IL11RA: variants seen among roughly 807,000 people sequenced by gnomAD.
IL11RA encodes interleukin-11 receptor subunit alpha.
In IL11RA, 51 loss-of-function variants were observed where a neutral mutation model predicts 57.0. The observed-to-expected ratio is 0.89, with a 90% CI of 0.71 to 1.13. The LOEUF is 1.13. Among genes scored for constraint, IL11RA ranks in the 50% most tolerant of loss-of-function variants. IL11RA has a pLI of 0.00. For missense variants in IL11RA, 498 were observed against 539.4 expected (o/e 0.92, Z 0.76); for synonymous variants, 199 against 217.5 (o/e 0.91, Z 0.75).
rs1554709970 is a variant in IL11RA, at chr9:34,655,016, T to TGCGC, written c.1-197_1-194dup. 7.2e-6 allele frequency: 4 copies of TGCGC among 557,804 alleles called. No individual in the cohort carries two copies. The African/African-American group carries it at 7.7e-5, about 11-fold the overall frequency. 34.6% of individuals were successfully genotyped at this position (557,804 alleles called of 1,614,324 possible). ...GTCCGTGTGTGTGTGTGTGTGTGTG[T>TGCGC]GCGCGCGCACGCACATGCAAAGCAC... On this transcript the variant is annotated intron_variant, in intron 1 of 12. Transcript: ENST00000441545.
In IL11RA at chr9:34,660,934, C is replaced by G. The variant is rs1234840131; in HGVS notation, c.1250C>G (p.Pro417Arg). The G allele has an allele frequency of 6.2e-7, 1 of 1,612,152 alleles. No homozygotes were observed. Among genetic ancestry groups the G allele is most frequent in the Non-Finnish European group, 8.5e-7 (1 of 1,178,398 alleles). ...TCAGTGATTCCAGTGGACAGGCGTC[C>G]AGGTGAGTAGGACATCCAGAAGATT... ...LASVIPVDRR[P>R]GAPNL is the part of the protein sequence containing the mutation. Residue 417 changes from proline (P) to arginine (R), a missense_variant and splice_region_variant, in exon 12 of 13, where the codon CCA becomes CGA. By Grantham distance (103) the Pro-to-Arg change is moderately radical. Coordinates refer to ENST00000441545, the MANE Select transcript of IL11RA (RefSeq NM_001142784.3).
intron 11 of IL11RA, 77 bp downstream of exon 11, chr9:34,660,677 C>A: frequency 1.5e-6 from 2 of 1,319,260 alleles, no homozygotes; most frequent in African/African-American, 1.4e-5. Flanking sequence ...TTCATCTCCA[C>A]CCTTCATGAC....
chr9:34,656,421 T>C (rs1237580703), intron 3 of IL11RA, among the ~76,000 whole-genome samples: 1 of 152,194 alleles, frequency 6.6e-6, no homozygotes, highest in Non-Finnish European at 1.5e-5. Context: ...GAGGCAGCCA[T>C]GCACACATTA....
Position 34,659,775 on chromosome 9 carries a change from T to C in IL11RA, c.827T>C (p.Leu276Pro). ...PAWSTVEPAG[L>P]EEVITDAVAG... ...TACCCCCAGGTGGAGCCAGCTGGAC[T>C]GGAGGAGGTGATCACAGATGCTGTG... The change falls in exon 9 of 13, where the codon CTG becomes CCG. Residue 276 changes from leucine to proline, a missense_variant. Physicochemically the swap from Leu to Pro is moderately conservative, Grantham distance 98 (BLOSUM62 -3). Coordinates refer to ENST00000441545, the MANE Select transcript of IL11RA (RefSeq NM_001142784.3). The C allele has an allele frequency of 6.2e-7, 1 of 1,614,180 alleles. No homozygotes were observed. Among genetic ancestry groups the C allele is most frequent in the Admixed American group, 1.7e-5 (1 of 60,026 alleles).
chr9:34,659,023 C>T (rs931399404), intron 8 of IL11RA, among the ~76,000 whole-genome samples: 4 of 152,102 alleles, frequency 2.6e-5, no homozygotes, highest in African/African-American at 9.7e-5. Flanking sequence ...CTCCTGGGTT[C>T]AAGCAATTCT....
Position 34,657,320 on chromosome 9 carries a change from G to C in IL11RA, c.464G>C (p.Gly155Ala). The C allele has an allele frequency of 2.5e-6, 4 of 1,614,138 alleles. No individual in the cohort carries two copies. The highest frequency in any genetic ancestry group is 3.4e-6 in the Non-Finnish European group (4 of 1,180,008). The change falls in exon 6 of 13, where the codon GGA (glycine) becomes GCA (alanine). Residue 155 changes from glycine (G) to alanine (A), a missense_variant. Physicochemically the swap from Gly to Ala is moderately conservative, Grantham distance 60. Transcript: ENST00000441545. ...LTSYRKKTVLGADSQRRSPST... is the reference protein window; with the variant it reads ...LTSYRKKTVLAADSQRRSPST... ...CCCACCAGGAAGAAGACAGTCCTAG[G>C]AGCTGATAGCCAGAGGTAGGACGTG...
chr9:34,659,838 A>ACTTT lies in IL11RA; in HGVS notation c.893_896dup (p.Asp300SerfsTer60). 1 of 1,614,158 alleles carries ACTTT rather than the reference A, an allele frequency of 6.2e-7. No homozygotes were observed. The highest frequency in any genetic ancestry group is 8.5e-7 in the Non-Finnish European group (1 of 1,180,008). On this transcript the variant is annotated frameshift_variant, in exon 9 of 13. Transcript: ENST00000441545. LOFTEE classifies it high-confidence loss of function. ...CATGCTGTACGAGTCAGTGCCCGGG[A>ACTTT]CTTTCTAGATGCTGGCACCTGGAGC...
intron 8 of IL11RA, 59 bp from the exon 9 acceptor site, chr9:34,659,700 G>A: frequency 6.2e-7 from 1 of 1,606,542 alleles, no homozygotes; most frequent in Non-Finnish European, 8.5e-7. Context: ...TTTGTAGATG[G>A]TGGCTGGGAA....
chr9:34,655,346 C>T (rs896481390), intron 2 of IL11RA, 29 bp downstream of exon 2: 14 of 1,335,436 alleles, frequency 1.0e-5, no homozygotes, highest in Non-Finnish European at 1.4e-5. Context: ...TACAACCTCC[C>T]AACTCTGACT....
At chr9:34,654,405 C>G (rs1022257545) in intron 1 of IL11RA, among the ~76,000 whole-genome samples, 1 of 152,244 alleles carries the variant, frequency 6.6e-6, no homozygotes, top group East Asian at 1.9e-4. Context: ...CCTGCAGGCT[C>G]CCAGTTCCTC....
In IL11RA at chr9:34,660,540, C is replaced by T. The variant is rs35066989; in HGVS notation, c.1109C>T (p.Ala370Val). 2.7e-4 allele frequency: 428 copies of T among 1,614,206 alleles called. 1 individual carries two copies. The East Asian group carries it at 8.2e-3, about 31-fold the overall frequency. ...TCTGTGGAGCAGGTAGCTGTGCTGG[C>T]GTCTTTGGGAATCCTTTCTTTCCTG... ...RDSVEQVAVL[A>V]SLGILSFLGL... Residue 370 changes from alanine to valine, a missense_variant, in exon 11 of 13, where the codon GCG becomes GTG. Physicochemically the swap from Ala to Val is moderately conservative, Grantham distance 64 (BLOSUM62 0). Transcript: ENST00000441545.
rs1488389578 is a variant in IL11RA at position 34,660,407 on chromosome 9, G to A, written c.1072+14G>A. 6.2e-7 allele frequency: 1 copy of A among 1,614,022 alleles called. No homozygotes were observed. Among genetic ancestry groups the A allele is most frequent in the Middle Eastern group, 1.6e-4 (1 of 6,062 alleles). Reference sequence around the variant, plus strand: ...CTCGGCTACTTGGTGAGCTTGGGCAGATGGGCAAGACTTGTAAAGGACTGA... The same window carrying A: ...CTCGGCTACTTGGTGAGCTTGGGCAAATGGGCAAGACTTGTAAAGGACTGA... On this transcript the variant is annotated intron_variant, in intron 10 of 12. Coordinates refer to ENST00000441545, the MANE Select transcript of IL11RA (RefSeq NM_001142784.3).
In IL11RA at chr9:34,656,798, G is replaced by T; in HGVS notation, c.221G>T (p.Gly74Val). The T allele has an allele frequency of 6.2e-7, 1 of 1,614,174 alleles. No individual in the cohort carries two copies. Among genetic ancestry groups the T allele is most frequent in the South Asian group, 1.1e-5 (1 of 91,084 alleles). The change falls in exon 4 of 13, where the codon GGG (glycine) becomes GTG (valine). Residue 74 changes from glycine to valine, a missense_variant. Physicochemically the swap from Gly to Val is moderately radical, Grantham distance 109. Transcript: ENST00000441545. ...AAGCTGCTCCAGGGACCTGACTCTG[G>T]GCTAGGGCATGAACTGGTCCTGGCC... ...EPKLLQGPDSGLGHELVLAQA... is the reference protein window; with the variant it reads ...EPKLLQGPDSVLGHELVLAQA...
In IL11RA at chr9:34,661,581, C is replaced by A; in HGVS notation, c.*83C>A. On this transcript the variant is annotated 3_prime_UTR_variant, in exon 13 of 13. Coordinates refer to ENST00000441545, the MANE Select transcript of IL11RA (RefSeq NM_001142784.3). ...AGAAACCAGGCAGGACAGTAGATCC[C>A]TATGGTTGGATCTCAGCTGGAAGTT... 7.2e-7 allele frequency: 1 copy of A among 1,387,486 alleles called. No individual in the cohort carries two copies. Among genetic ancestry groups the A allele is most frequent in the Non-Finnish European group, 1.0e-6 (1 of 973,222 alleles). 85.9% of individuals were successfully genotyped at this position (1,387,486 alleles called of 1,614,324 possible).
Position 34,658,645 on chromosome 9 carries a change from T to C in IL11RA, c.772T>C (p.Leu258=). The C allele has an allele frequency of 6.2e-7, 1 of 1,613,928 alleles. No individual in the cohort carries two copies. Among genetic ancestry groups the C allele is most frequent in the Non-Finnish European group, 8.5e-7 (1 of 1,180,036 alleles). The change falls in exon 8 of 13, where the codon TTG becomes CTG. Residue 258 remains leucine, a synonymous_variant. Transcript: ENST00000441545. This position sits in a 1 kb window ranked among gnomAD's most constrained non-coding sequence, Gnocchi z 4.0. The part of the protein sequence containing the change: ...CQPHFLLKFR[L]QYRPAQHPAW... ...GCCCCACTTCCTGCTCAAGTTCCGT[T>C]TGCAGTACCGTCCGGCGCAGCATCC...
intron 11 of IL11RA, 99 bp downstream of exon 11, chr9:34,660,699 C>A (rs942868731): frequency 1.7e-5 from 21 of 1,245,278 alleles, no homozygotes; most frequent in Non-Finnish European, 2.5e-5. Context: ...GCCCGCTGAA[C>A]CTGTCTGATT....
intron 12 of IL11RA, 57 bp downstream of exon 12, chr9:34,660,993 T>C: frequency 7.1e-7 from 1 of 1,407,182 alleles, no homozygotes; most frequent in Middle Eastern, 1.8e-4. Flanking sequence ...ATTTTGAGTG[T>C]CCAGATTAAG....
At chr9:34,657,714 T>G in intron 7 of IL11RA, 127 bp downstream of exon 7, 1 of 934,852 alleles carries the variant, frequency 1.1e-6, no homozygotes, top group Non-Finnish European at 1.7e-6. Context: ...GAGAAGGCCC[T>G]GTGGAGCCTG....
chr9:34,655,393 C>A, intron 2 of IL11RA, 76 bp downstream of exon 2: 1 of 973,022 alleles, frequency 1.0e-6, no homozygotes, highest in Non-Finnish European at 1.6e-6. Context: ...CCTTCCCATG[C>A]CTAACTTGTG....
Sources: gnomAD v4.1 joint callset for allele counts (sites outside exome capture counted in the v4.1 genomes callset) on GRCh38, gnomAD v4.1.1 for gene constraint, Gnocchi (gnomAD v3.1) non-coding constraint, MANE v1.5 for transcripts, NCBI Gene and HGNC (gene_info 2026-07-23, HGNC 2026-07-21) for gene names.